MAOA: variants seen among roughly 807,000 people sequenced by gnomAD.
MAOA encodes the protein monoamine oxidase A, also known as amine oxidase [flavin-containing] A.
A neutral mutation model predicts 42.0 loss-of-function variants in MAOA; 6 were observed. That is an observed-to-expected ratio of 0.14 (90% CI 0.08 to 0.28). The LOEUF is 0.28. Among genes scored for constraint, MAOA ranks in the 10% least tolerant of loss-of-function variants. MAOA has a pLI of 1.00. For synonymous variants in MAOA, 140 were observed against 154.0 expected, an observed-to-expected ratio of 0.91 and a Z score of 0.67; for missense variants, 262 against 422.3, an observed-to-expected ratio of 0.62 and a Z score of 3.33.
At chrX:43,727,365 C>T (rs1461978310) in intron 5 of MAOA, among the ~76,000 whole-genome samples, 1 of 112,224 alleles carries the variant, frequency 8.9e-6, no homozygotes, top group African/African-American at 3.2e-5. Flanking sequence ...CAGAGATGCC[C>T]TGCCCACAGA....
intron 5 of MAOA, among the ~76,000 whole-genome samples, chrX:43,727,233 C>T (rs1011706526): frequency 8.9e-6 from 1 of 112,213 alleles, no homozygotes. Flanking sequence ...TCAGAGCTGT[C>T]AGGCAGGGAC....
Position 43,665,311 on chromosome X carries a change from T to C in MAOA, c.73+8897T>C, listed in dbSNP as rs749603888. ...TGCTGCAGGACTTCTCAGGACCATA[T>C]GCCAGTGTGCACCAGGCATTTCCCA... On this transcript the variant is annotated intron_variant, in intron 1 of 14. Coordinates refer to ENST00000338702, the MANE Select transcript of MAOA (RefSeq NM_000240.4). Among the ~76,000 whole-genome samples, 15 of 111,653 alleles carry C rather than the reference T, an allele frequency of 1.3e-4. No homozygotes were observed. The South Asian group carries it at 4.1e-3, about 31-fold the overall frequency.
intron 12 of MAOA, among the ~76,000 whole-genome samples, chrX:43,742,605 C>T (rs2033968038): frequency 8.9e-6 from 1 of 112,337 alleles, no homozygotes; most frequent in South Asian, 3.7e-4. Flanking sequence ...CGGTACCTTG[C>T]TCAGTTATAA....
At chrX:43,655,066 T>C (rs1374132253), upstream of MAOA, 1 of 110,534 alleles carries the variant, frequency 9.0e-6, no homozygotes, top group African/African-American at 3.4e-5. Context: ...TCCAGAAACA[T>C]GAGCACAAAC....
intron 10 of MAOA, among the ~76,000 whole-genome samples, chrX:43,736,540 A>G (rs1363198107): frequency 8.9e-6 from 1 of 111,982 alleles, no homozygotes; most frequent in African/African-American, 3.2e-5. Context: ...GATAAAAATC[A>G]TAGAAAATAT....
chrX:43,727,783 G>A (rs1309512000), intron 5 of MAOA, among the ~76,000 whole-genome samples: 2 of 112,201 alleles, frequency 1.8e-5, no homozygotes, highest in African/African-American at 3.2e-5. Flanking sequence ...CAGGTGAGGC[G>A]ATGCCCTGCC....
intron 1 of MAOA, among the ~76,000 whole-genome samples, chrX:43,657,225 TTATA>T (rs748163326): frequency 1.4e-5 from 1 of 71,538 alleles, no homozygotes; most frequent in Non-Finnish European, 2.4e-5. Context: ...TGAACTGTGT[TTATA>T]TATATATATG....
chrX:43,730,376 A>G (rs895539439), intron 6 of MAOA, among the ~76,000 whole-genome samples: 1 of 109,954 alleles, frequency 9.1e-6, no homozygotes, highest in African/African-American at 3.3e-5. Context: ...CAAGAGAACT[A>G]TTTAACAATA....
intron 3 of MAOA, among the ~76,000 whole-genome samples, chrX:43,703,289 G>A (rs1467129191): frequency 9.0e-6 from 1 of 111,719 alleles, no homozygotes; most frequent in Non-Finnish European, 1.9e-5. Flanking sequence ...TAGCTGACAA[G>A]AAGTTCTGCT....
intron 4 of MAOA, among the ~76,000 whole-genome samples, chrX:43,712,428 AATG>A (rs1371099979): frequency 1.8e-5 from 2 of 111,999 alleles, no homozygotes; most frequent in South Asian, 3.7e-4. Flanking sequence ...TTTCAATAAC[AATG>A]ATGATGATAA....
intron 1 of MAOA, among the ~76,000 whole-genome samples, chrX:43,672,808 T>A (rs1192967381): frequency 9.0e-6 from 1 of 111,491 alleles, no homozygotes; most frequent in African/African-American, 3.3e-5. Context: ...TTGATCATGG[T>A]GGATAAGCTT....
intron 2 of MAOA, among the ~76,000 whole-genome samples, chrX:43,684,649 A>G (rs1360413473): frequency 9.0e-6 from 1 of 111,631 alleles, no homozygotes; most frequent in Non-Finnish European, 1.9e-5. Context: ...GTTAAAGACT[A>G]GGGATTGAGA....
chrX:43,734,978 A>G (rs755462447), intron 9 of MAOA, among the ~76,000 whole-genome samples: 5 of 112,528 alleles, frequency 4.4e-5, no homozygotes, highest in Non-Finnish European at 9.4e-5. Context: ...ATCTAACTAA[A>G]ATAATTAATA....
intron 1 of MAOA, among the ~76,000 whole-genome samples, chrX:43,680,493 G>C (rs2033434331): frequency 9.0e-6 from 1 of 111,146 alleles, no homozygotes; most frequent in Non-Finnish European, 1.9e-5. Context: ...CAGATACAGA[G>C]GGCTGATCAC....
chrX:43,714,142 T>A (rs890846157), intron 5 of MAOA, among the ~76,000 whole-genome samples: 51 of 111,080 alleles, frequency 4.6e-4, no homozygotes, highest in African/African-American at 1.7e-3. Flanking sequence ...GGGAATGATA[T>A]CTTCCAAAAA....
At chrX:43,715,763 C>G (rs372234469) in intron 5 of MAOA, among the ~76,000 whole-genome samples, 2 of 109,401 alleles carry the variant, frequency 1.8e-5, no homozygotes, top group East Asian at 5.9e-4. Flanking sequence ...GGATGACCCA[C>G]AAGGCCAAGG....
intron 3 of MAOA, among the ~76,000 whole-genome samples, chrX:43,695,267 A>G (rs895091528): frequency 1.8e-5 from 2 of 112,094 alleles, no homozygotes; most frequent in African/African-American, 6.5e-5. Flanking sequence ...TATGATGAGG[A>G]GATTCAGTCA....
chrX:43,714,076 A>C (rs1336110415), intron 5 of MAOA, among the ~76,000 whole-genome samples: 1 of 111,468 alleles, frequency 9.0e-6, no homozygotes, highest in Non-Finnish European at 1.9e-5. Flanking sequence ...ATGATCTAAG[A>C]ATGACACACA....
At chrX:43,672,199 G>A (rs1218873020) in intron 1 of MAOA, among the ~76,000 whole-genome samples, 4 of 111,363 alleles carry the variant, frequency 3.6e-5, no homozygotes, top group Non-Finnish European at 7.5e-5. Flanking sequence ...TATTCTCTTT[G>A]AAGCAATTGT....
Sources: allele counts gnomAD v4.1 joint callset (sites outside exome capture counted in the v4.1 genomes callset), GRCh38; gene constraint gnomAD v4.1.1; transcripts MANE v1.5; gene names NCBI Gene and HGNC (gene_info 2026-07-23, HGNC 2026-07-21).